GABRR2: variants seen among roughly 807,000 people sequenced by gnomAD.
GABRR2 encodes the protein gamma-aminobutyric acid receptor subunit rho-2.
Under a neutral mutation model 47.0 loss-of-function variants are expected in GABRR2, and 36 were observed. That is an observed-to-expected ratio of 0.77 (90% CI 0.59 to 1.01). The LOEUF (loss-of-function observed/expected upper bound fraction) is 1.01, where lower values mean the gene tolerates loss of function less well. Among genes scored for constraint, GABRR2 ranks in the 50% least tolerant of loss-of-function variants. GABRR2 has a pLI of 0.00. For missense variants in GABRR2, 587 were observed against 594.6 expected, an observed-to-expected ratio of 0.99 and a Z score of 0.13; for synonymous variants, 204 against 227.5, an observed-to-expected ratio of 0.90 and a Z score of 0.93.
At chr6:89,275,801 T>C (rs1774148617) in intron 2 of GABRR2, among the ~76,000 whole-genome samples, 1 of 152,144 alleles carries the variant, frequency 6.6e-6, no homozygotes, top group Admixed American at 6.5e-5. Flanking sequence ...TCGTACTTCA[T>C]ATATTGTACA....
At chr6:89,284,536 G>C (rs1774302286) in intron 2 of GABRR2, among the ~76,000 whole-genome samples, 1 of 152,300 alleles carries the variant, frequency 6.6e-6, no homozygotes, top group African/African-American at 2.4e-5. Context: ...AGGCAGAAGA[G>C]AAGGTCAGAG....
Position 89,278,294 on chromosome 6 carries a change from A to G in GABRR2, c.221-6572T>C, listed in dbSNP as rs115369298. Among the ~76,000 whole-genome samples the G allele has an allele frequency of 4.2e-3, 638 of 152,362 alleles. 4 individuals carry two copies. The highest frequency in any genetic ancestry group is 0.013 in the African/African-American group (557 of 41,588). ...CCAAAAGGTACCTGACTGGAATGGC[A>G]TATGGATAGGTGATGGGTTTCTGGG... On this transcript the variant is annotated intron_variant, in intron 2 of 8. Coordinates refer to ENST00000402938, the MANE Select transcript of GABRR2 (RefSeq NM_002043.5).
rs114521393 is a variant in GABRR2, at chr6:89,292,106, T to C, written c.220+7653A>G. Among the ~76,000 whole-genome samples the C allele has an allele frequency of 8.1e-3, 1,225 of 152,138 alleles. 20 individuals carry two copies. Among genetic ancestry groups the C allele is most frequent in the African/African-American group, 0.028 (1,180 of 41,494 alleles). The stretch of plus-strand genomic sequence containing the variant: ...ATAGCAGCAGCTCAAAAAATACATA[T>C]GTGTCTTATGAAAAAAATCATTTTG... On this transcript the variant is annotated intron_variant, in intron 2 of 8. Coordinates refer to ENST00000402938, the MANE Select transcript of GABRR2 (RefSeq NM_002043.5).
intron 2 of GABRR2, among the ~76,000 whole-genome samples, chr6:89,285,098 TCAGA>T (rs1287624009): frequency 2.0e-5 from 3 of 152,154 alleles, no homozygotes; most frequent in Non-Finnish European, 4.4e-5. Context: ...GGGAAACATT[TCAGA>T]CATTCTTCAT....
chr6:89,314,907 G>A (rs534841130), intron 1 of GABRR2, 146 bp downstream of exon 1: 4 of 688,872 alleles, frequency 5.8e-6, no homozygotes, highest in African/African-American at 1.8e-5. Context: ...CCCAGGGAGA[G>A]GCTGCGTTCA....
intron 6 of GABRR2, among the ~76,000 whole-genome samples, chr6:89,266,222 C>T (rs11757962): frequency 0.22 from 33,529 of 152,064 alleles, 3,836 homozygotes; most frequent in Middle Eastern, 0.27. Flanking sequence ...GCCACCATGC[C>T]CAGCTAAATT....
chr6:89,273,063 G>C (rs1039778307), intron 2 of GABRR2, among the ~76,000 whole-genome samples: 1 of 152,202 alleles, frequency 6.6e-6, no homozygotes, highest in Non-Finnish European at 1.5e-5. Flanking sequence ...CATTACTGGT[G>C]AGGTTGGGTG....
At chr6:89,269,391 T>A (rs1373834788) in intron 3 of GABRR2, 157 bp from the exon 4 acceptor site, 2 of 633,118 alleles carry the variant, frequency 3.2e-6, no homozygotes, top group Non-Finnish European at 5.6e-6. Context: ...CACTGTGCAG[T>A]TGGAAAGAGA....
intron 2 of GABRR2, among the ~76,000 whole-genome samples, chr6:89,297,751 G>A (rs563810144): frequency 2.5e-4 from 38 of 152,328 alleles, no homozygotes; most frequent in African/African-American, 9.1e-4. Flanking sequence ...TATTCAGGAG[G>A]CTGAGGGAGG....
At chr6:89,307,229 A>C (rs1212217805) in intron 1 of GABRR2, among the ~76,000 whole-genome samples, 1 of 152,178 alleles carries the variant, frequency 6.6e-6, no homozygotes, top group Non-Finnish European at 1.5e-5. Context: ...GTACCCCAGA[A>C]CAACCAAATT....
At chr6:89,268,596 C>T (rs745870676) in intron 4 of GABRR2, among the ~76,000 whole-genome samples, 29 of 151,864 alleles carry the variant, frequency 1.9e-4, no homozygotes, top group Middle Eastern at 3.4e-3. Flanking sequence ...TGTGACTCCC[C>T]GTACTCCAGA....
At chr6:89,277,241 C>G (rs1420014323) in intron 2 of GABRR2, among the ~76,000 whole-genome samples, 1 of 152,182 alleles carries the variant, frequency 6.6e-6, no homozygotes, top group African/African-American at 2.4e-5. Context: ...CAGCACTTCT[C>G]CGTCCTGCTG....
intron 2 of GABRR2, among the ~76,000 whole-genome samples, chr6:89,278,411 T>G (rs954856292): frequency 3.3e-5 from 5 of 152,252 alleles, no homozygotes; most frequent in Admixed American, 1.3e-4. Context: ...AGCGTCCTTT[T>G]CTCAATGTGT....
intron 3 of GABRR2, 27 bp from the exon 4 acceptor site, chr6:89,269,261 A>C (rs897653981): frequency 6.3e-7 from 1 of 1,576,142 alleles, no homozygotes; most frequent in Admixed American, 1.7e-5. Context: ...GAGACCAGAC[A>C]AAAATGGCTT....
At chr6:89,269,409 A>G in intron 3 of GABRR2, 175 bp from the exon 4 acceptor site, 3 of 604,068 alleles carry the variant, frequency 5.0e-6, no homozygotes, top group East Asian at 2.8e-5. Flanking sequence ...AGAATAGCTC[A>G]TTTTTATGCA....
At chr6:89,269,749 C>A (rs1774004185) in intron 3 of GABRR2, among the ~76,000 whole-genome samples, 1 of 152,190 alleles carries the variant, frequency 6.6e-6, no homozygotes, top group African/African-American at 2.4e-5. Flanking sequence ...TAGTGCCTGG[C>A]AAAGCACAGA....
intron 2 of GABRR2, among the ~76,000 whole-genome samples, chr6:89,293,948 A>G (rs1774511498): frequency 1.3e-5 from 2 of 152,332 alleles, no homozygotes; most frequent in South Asian, 2.1e-4. Flanking sequence ...CCATGGGATT[A>G]TTAGGAAGCT....
At chr6:89,268,204 C>G (rs892904570) in intron 4 of GABRR2, 108 bp from the exon 5 acceptor site, 2 of 775,868 alleles carry the variant, frequency 2.6e-6, no homozygotes, top group Non-Finnish European at 4.5e-6. Context: ...CTCCTCACAT[C>G]TGCTGCAGAA....
chr6:89,264,399 G>A lies in GABRR2; in HGVS notation c.1086+13C>T, dbSNP rs1773829168. ...AGCATGGACTTAGACAAGGGCCGAA[G>A]AAGCCCTCTCACCTTCTCCCGCAGC... On this transcript the variant is annotated intron_variant, in intron 8 of 8. Transcript: ENST00000402938. The A allele has an allele frequency of 6.2e-7, 1 of 1,610,704 alleles. No homozygotes were observed. The highest frequency in any genetic ancestry group is 8.5e-7 in the Non-Finnish European group (1 of 1,178,334).
Sources: gnomAD v4.1 joint callset for allele counts (sites outside exome capture counted in the v4.1 genomes callset) on GRCh38, gnomAD v4.1.1 for gene constraint, MANE v1.5 for transcripts, NCBI Gene and HGNC (gene_info 2026-07-23, HGNC 2026-07-21) for gene names.